LRRC7: variants seen among roughly 807,000 people sequenced by gnomAD.
LRRC7 encodes the protein leucine-rich repeat-containing protein 7.
LRRC7 carries 23 observed loss-of-function variants against 175.7 expected under a neutral mutation model. The observed-to-expected ratio is 0.13, with a 90% CI of 0.09 to 0.19. The LOEUF (loss-of-function observed/expected upper bound fraction) is 0.19. LRRC7 is among the 10% of genes least tolerant of loss of function. The pLI is 1.00. For synonymous variants in LRRC7, 685 were observed against 680.9 expected (o/e 1.01, Z -0.09); for missense variants, 1,354 against 1,904.7 (o/e 0.71, Z 5.38).
chr1:70,038,588 A>G lies in LRRC7; in HGVS notation c.2764A>G (p.Ile922Val), dbSNP rs990013007. Residue 922 changes from isoleucine to valine, a missense_variant, in exon 21 of 27, where the codon ATA (isoleucine) becomes GTA (valine). Physicochemically the swap from Ile to Val is conservative, Grantham distance 29. This residue lies in a region of LRRC7 where 1,032 missense variants were observed against 1,227.2 expected (regional missense o/e 0.84). Coordinates refer to ENST00000651989, the MANE Select transcript of LRRC7 (RefSeq NM_001370785.2). Reference protein sequence around the residue: ...RKEHIKESTEIPSPFSPGVPW... With the variant: ...RKEHIKESTEVPSPFSPGVPW... ...AGAACATATAAAGGAATCTACTGAA[A>G]TACCTAGTCCTTTTTCTCCAGGCGT... The G allele has an allele frequency of 3.7e-6, 6 of 1,613,994 alleles. No individual in the cohort carries two copies. The Admixed American group carries it at 5.0e-5, about 13-fold the overall frequency.
chr1:69,912,180 T>C (rs1557880189), intron 7 of LRRC7, among the ~76,000 whole-genome samples: 1 of 152,108 alleles, frequency 6.6e-6, no homozygotes, highest in African/African-American at 2.4e-5. Flanking sequence ...TAAATATTAA[T>C]ACTCAGAAAG....
intron 1 of LRRC7, among the ~76,000 whole-genome samples, chr1:69,673,103 A>G (rs1225677653): frequency 6.6e-6 from 1 of 152,150 alleles, no homozygotes; most frequent in Non-Finnish European, 1.5e-5. Context: ...AGGTTCCCAA[A>G]TGCCAGGATC....
At chr1:69,923,329 A>G (rs1646952675) in intron 7 of LRRC7, among the ~76,000 whole-genome samples, 1 of 152,198 alleles carries the variant, frequency 6.6e-6, no homozygotes. Flanking sequence ...TTGGGTATAT[A>G]CCCAGTAATG....
intron 1 of LRRC7, among the ~76,000 whole-genome samples, chr1:69,644,198 C>A (rs989714869): frequency 6.6e-6 from 1 of 151,980 alleles, no homozygotes; most frequent in Non-Finnish European, 1.5e-5. Flanking sequence ...ATATTCATAT[C>A]TTCTGTACTC....
At chr1:69,825,217 A>G (rs1448362273) in intron 4 of LRRC7, among the ~76,000 whole-genome samples, 2 of 152,142 alleles carry the variant, frequency 1.3e-5, no homozygotes, top group East Asian at 1.9e-4. Context: ...ACAGCCAACA[A>G]AAAAGAATTG....
chr1:69,964,086 A>G (rs1052818438), intron 8 of LRRC7, among the ~76,000 whole-genome samples: 1 of 152,078 alleles, frequency 6.6e-6, no homozygotes, highest in African/African-American at 2.4e-5. Context: ...TTTGAACCTT[A>G]CTCATCATAT....
At chr1:69,691,476 G>A (rs1245933528) in intron 2 of LRRC7, among the ~76,000 whole-genome samples, 1 of 151,664 alleles carries the variant, frequency 6.6e-6, no homozygotes, top group Non-Finnish European at 1.5e-5. Context: ...AATAAAGTTT[G>A]AAAAAAATAA....
chr1:70,109,927 C>T (rs1372382955), intron 26 of LRRC7, among the ~76,000 whole-genome samples: 1 of 152,130 alleles, frequency 6.6e-6, no homozygotes, highest in African/African-American at 2.4e-5. Context: ...GAATGTGAAG[C>T]TGGGTAGAGA....
chr1:70,142,359 T>G lies in LRRC7; in HGVS notation c.*20472T>G, dbSNP rs1667095701. 1 of 152,144 alleles carries G rather than the reference T, an allele frequency of 6.6e-6. No individual in the cohort carries two copies. Among genetic ancestry groups the G allele is most frequent in the South Asian group, 2.1e-4 (1 of 4,834 alleles). 9.4% of individuals were successfully genotyped at this position (152,144 alleles called of 1,614,324 possible). On this transcript the variant is annotated 3_prime_UTR_variant, in exon 27 of 27. Transcript: ENST00000651989. ...CAATGAATGCTTAATACTTCGGCTT[T>G]ATAATGTTTGGGCATTTCTCTTTAA...
At chr1:69,771,366 A>T (rs993451791) in intron 3 of LRRC7, among the ~76,000 whole-genome samples, 1 of 152,162 alleles carries the variant, frequency 6.6e-6, no homozygotes, top group Non-Finnish European at 1.5e-5. Flanking sequence ...TTATTTAAAA[A>T]TTTATAGTAC....
intron 1 of LRRC7, among the ~76,000 whole-genome samples, chr1:69,578,161 C>A (rs1646034635): frequency 6.6e-6 from 1 of 152,002 alleles, no homozygotes; most frequent in Admixed American, 6.6e-5. Context: ...CAAAAGAAGA[C>A]CTTTATGCAG....
intron 4 of LRRC7, among the ~76,000 whole-genome samples, chr1:69,811,229 C>T (rs1330805756): frequency 6.6e-6 from 1 of 152,138 alleles, no homozygotes; most frequent in Non-Finnish European, 1.5e-5. Context: ...GATACCATCT[C>T]ACATCAGTTA....
intron 7 of LRRC7, among the ~76,000 whole-genome samples, chr1:69,875,716 A>T (rs543768058): frequency 1.6e-3 from 245 of 151,894 alleles, no homozygotes; most frequent in Middle Eastern, 3.4e-3. Context: ...TATACTTTTT[A>T]AAAAAAACAG....
intron 7 of LRRC7, among the ~76,000 whole-genome samples, chr1:69,902,590 C>T (rs1223065439): frequency 6.6e-6 from 1 of 151,624 alleles, no homozygotes; most frequent in Admixed American, 6.6e-5. Context: ...AAAAAAAAAG[C>T]TTCAATTTTC....
Position 69,910,890 on chromosome 1 carries a change from C to A in LRRC7, c.648-20617C>A, listed in dbSNP as rs190454194. On this transcript the variant is annotated intron_variant, in intron 7 of 26. Coordinates refer to ENST00000651989, the MANE Select transcript of LRRC7 (RefSeq NM_001370785.2). Reference sequence around the variant, plus strand: ...TGGCTGCTTTGTTTGCCTAATCAAGCCTGGGCAATGGCAGGTGCCCCTTCC... The same window carrying A: ...TGGCTGCTTTGTTTGCCTAATCAAGACTGGGCAATGGCAGGTGCCCCTTCC... Among the ~76,000 whole-genome samples the A allele has an allele frequency of 9.1e-3, 1,391 of 152,316 alleles. 12 individuals are homozygous for A. Among genetic ancestry groups the A allele is most frequent in the Non-Finnish European group, 0.013 (899 of 68,018 alleles).
At chr1:69,916,257 TAAATATA>T (rs1476492012) in intron 7 of LRRC7, among the ~76,000 whole-genome samples, 2 of 132,728 alleles carry the variant, frequency 1.5e-5, no homozygotes, top group South Asian at 2.1e-4. Context: ...AATAAAAATA[TAAATATA>T]AAATATAAAT....
At chr1:70,050,095 GCA>G (rs1343279360) in intron 22 of LRRC7, among the ~76,000 whole-genome samples, 11 of 147,830 alleles carry the variant, frequency 7.4e-5, no homozygotes, top group African/African-American at 2.8e-4. Flanking sequence ...TGACTACTGT[GCA>G]CACACATGTT....
chr1:70,087,754 C>T (rs1211633310), intron 24 of LRRC7, among the ~76,000 whole-genome samples: 1 of 152,108 alleles, frequency 6.6e-6, no homozygotes, highest in East Asian at 1.9e-4. Context: ...AATTAAGAAA[C>T]TATTCATTAA....
intron 25 of LRRC7, among the ~76,000 whole-genome samples, chr1:70,097,649 C>T (rs1281412088): frequency 1.4e-5 from 2 of 138,604 alleles, no homozygotes; most frequent in South Asian, 2.4e-4. Flanking sequence ...GTGTGATGTT[C>T]CCCTTCCTGT....
Sources: allele counts gnomAD v4.1 joint callset (sites outside exome capture counted in the v4.1 genomes callset), GRCh38; gene constraint gnomAD v4.1.1; regional missense constraint gnomAD v4.1.1; transcripts MANE v1.5; gene names NCBI Gene and HGNC (gene_info 2026-07-23, HGNC 2026-07-21).